NCAM2: variants seen among roughly 807,000 people sequenced by gnomAD.
NCAM2 encodes the protein N-CAM-2.
In NCAM2, 30 loss-of-function variants were observed where a neutral mutation model predicts 98.1. That is an observed-to-expected ratio of 0.31 (90% CI 0.23 to 0.41). The LOEUF is 0.41. Among genes scored for constraint, NCAM2 ranks in the 10% least tolerant of loss-of-function variants. NCAM2 has a pLI of 1.00. For synonymous variants in NCAM2, 368 were observed against 342.4 expected (o/e 1.07, Z -0.83); for missense variants, 867 against 1,005.8 (o/e 0.86, Z 1.87).
At chr21:21,486,594 A>G (rs1055696549) in intron 15 of NCAM2, among the ~76,000 whole-genome samples, 1 of 152,178 alleles carries the variant, frequency 6.6e-6, no homozygotes, top group Non-Finnish European at 1.5e-5. Flanking sequence ...TTGTAACCTT[A>G]CTTGATCTTT....
At chr21:21,177,400 A>G (rs1294478497) in intron 1 of NCAM2, among the ~76,000 whole-genome samples, 1 of 152,118 alleles carries the variant, frequency 6.6e-6, no homozygotes, top group Non-Finnish European at 1.5e-5. Context: ...ATGTCTAGAA[A>G]CATACTATTA....
chr21:21,377,708 TTTACTC>T (rs953874379), intron 9 of NCAM2, among the ~76,000 whole-genome samples: 2 of 151,922 alleles, frequency 1.3e-5, no homozygotes, highest in African/African-American at 4.8e-5. Flanking sequence ...ACATTTAAAA[TTTACTC>T]TTAGTTACTT....
chr21:21,514,472 CAAAAAAAA>C (rs56710788), intron 16 of NCAM2, among the ~76,000 whole-genome samples: 203 of 127,732 alleles, frequency 1.6e-3, no homozygotes, highest in African/African-American at 5.8e-3. Flanking sequence ...TCTCAAAAAA[CAAAAAAAA>C]AAAAAAAAAA....
intron 12 of NCAM2, among the ~76,000 whole-genome samples, chr21:21,446,888 A>G (rs1980241549): frequency 6.6e-6 from 1 of 152,148 alleles, no homozygotes; most frequent in Admixed American, 6.6e-5. Context: ...AACCACTCTC[A>G]AGGAAATAAG....
chr21:21,319,193 C>T (rs1255921320), intron 5 of NCAM2, among the ~76,000 whole-genome samples: 2 of 151,876 alleles, frequency 1.3e-5, no homozygotes, highest in East Asian at 3.9e-4. Context: ...GTGTTTTCAA[C>T]CAATTTGGAT....
At chr21:21,482,429 T>G (rs992639019) in intron 15 of NCAM2, among the ~76,000 whole-genome samples, 46 of 152,278 alleles carry the variant, frequency 3.0e-4, no homozygotes, top group Admixed American at 2.9e-3. Context: ...TCTTTTCATT[T>G]AAGTTAGAGA....
At chr21:21,293,910 TAA>T (rs1022695497) in intron 5 of NCAM2, among the ~76,000 whole-genome samples, 1 of 151,520 alleles carries the variant, frequency 6.6e-6, no homozygotes, top group African/African-American at 2.4e-5. Flanking sequence ...TAAAATTGGT[TAA>T]GTTTATAGGA....
intron 1 of NCAM2, among the ~76,000 whole-genome samples, chr21:21,264,084 C>G (rs149778789): frequency 6.6e-6 from 1 of 152,146 alleles, no homozygotes; most frequent in African/African-American, 2.4e-5. Context: ...AAAATATTTG[C>G]AAACTATGCC....
chr21:21,534,423 C>A, intron 16 of NCAM2, 114 bp from the exon 17 acceptor site: 1 of 863,806 alleles, frequency 1.2e-6, no homozygotes, highest in Non-Finnish European at 1.6e-6. Context: ...TTAAATTAAC[C>A]AAGTTGGATT....
intron 1 of NCAM2, among the ~76,000 whole-genome samples, chr21:21,264,250 A>G (rs1031206089): frequency 6.6e-6 from 1 of 152,108 alleles, no homozygotes; most frequent in Non-Finnish European, 1.5e-5. Flanking sequence ...ATAAATGCTA[A>G]ACATCAGTAA....
chr21:21,424,601 A>C (rs552477637), intron 11 of NCAM2, among the ~76,000 whole-genome samples: 5 of 152,306 alleles, frequency 3.3e-5, no homozygotes, highest in Non-Finnish European at 5.9e-5. Flanking sequence ...GTACATAGGC[A>C]CTATGCTCTG....
At chr21:21,227,193 A>G (rs574548241) in intron 1 of NCAM2, among the ~76,000 whole-genome samples, 1 of 151,976 alleles carries the variant, frequency 6.6e-6, no homozygotes, top group Admixed American at 6.6e-5. Flanking sequence ...AAAGGACTGG[A>G]AAAGAAAAAT....
chr21:21,192,331 G>GTGCTCTAAAGCAA (rs1347079446), intron 1 of NCAM2, among the ~76,000 whole-genome samples: 1 of 152,124 alleles, frequency 6.6e-6, no homozygotes, highest in African/African-American at 2.4e-5. Flanking sequence ...AATCATGACT[G>GTGCTCTAAAGCAA]TGCTCTAAAG....
chr21:21,425,049 A>G (rs2077185838), intron 11 of NCAM2, among the ~76,000 whole-genome samples: 1 of 132,820 alleles, frequency 7.5e-6, no homozygotes, highest in Admixed American at 7.3e-5. Context: ...CCAAAAAAAA[A>G]AAAAAAAAAA....
chr21:21,170,500 A>T (rs1026357362), intron 1 of NCAM2, among the ~76,000 whole-genome samples: 1 of 152,220 alleles, frequency 6.6e-6, no homozygotes, highest in Non-Finnish European at 1.5e-5. Flanking sequence ...TTCCAAGTAT[A>T]TGAGACTCTA....
intron 1 of NCAM2, among the ~76,000 whole-genome samples, chr21:21,097,242 A>ATAAG (rs1361192647): frequency 6.6e-6 from 1 of 151,744 alleles, no homozygotes; most frequent in Non-Finnish European, 1.5e-5. Flanking sequence ...ATCGGTCATG[A>ATAAG]TAAGCATCTG....
chr21:21,483,212 G>A (rs1441768770), intron 15 of NCAM2, among the ~76,000 whole-genome samples: 2 of 151,880 alleles, frequency 1.3e-5, no homozygotes, highest in African/African-American at 2.4e-5. Context: ...TTTTCCTGAA[G>A]ACATGTCTAA....
chr21:21,006,281 C>T (rs1246824161), intron 1 of NCAM2, among the ~76,000 whole-genome samples: 1 of 152,070 alleles, frequency 6.6e-6, no homozygotes, highest in Non-Finnish European at 1.5e-5. Context: ...CCAAGGCCGG[C>T]AGGTTGCTTG....
chr21:21,188,065 A>G (rs1179961419), intron 1 of NCAM2, among the ~76,000 whole-genome samples: 1 of 152,128 alleles, frequency 6.6e-6, no homozygotes, highest in Non-Finnish European at 1.5e-5. Context: ...AGTGTTTATA[A>G]TTTTACCCAG....
Sources: gnomAD v4.1 joint callset for allele counts (sites outside exome capture counted in the v4.1 genomes callset) on GRCh38, gnomAD v4.1.1 for gene constraint, MANE v1.5 for transcripts, NCBI Gene and HGNC (gene_info 2026-07-23, HGNC 2026-07-21) for gene names.